RMI1: variants seen among roughly 807,000 people sequenced by gnomAD.
The protein encoded by RMI1 is RecQ mediated genome instability 1, also known as recQ-mediated genome instability protein 1.
RMI1 carries 36 observed loss-of-function variants against 46.7 expected under a neutral mutation model. The ratio of observed to expected loss-of-function variants is 0.77; its 90% CI spans 0.59 to 1.02. RMI1 has a LOEUF of 1.02. RMI1 is among the 50% of genes least tolerant of loss of function. RMI1 has a pLI of 0.00. For missense variants in RMI1, 676 were observed against 713.7 expected, an observed-to-expected ratio of 0.95 and a Z score of 0.60; for synonymous variants, 250 against 252.9, an observed-to-expected ratio of 0.99 and a Z score of 0.11.
chr9:83,997,221 C>T (rs374761926), intron 1 of RMI1, among the ~76,000 whole-genome samples: 3 of 150,346 alleles, frequency 2.0e-5, no homozygotes, highest in African/African-American at 7.3e-5. Flanking sequence ...AGGCAATTCT[C>T]CTGCCTCAGC....
At chr9:83,996,482 T>A (rs1957655626) in intron 1 of RMI1, among the ~76,000 whole-genome samples, 1 of 152,342 alleles carries the variant, frequency 6.6e-6, no homozygotes, top group African/African-American at 2.4e-5. Flanking sequence ...TTAACCACTC[T>A]TAAGTTTGCC....
At chr9:83,993,837 G>A (rs554353010) in intron 1 of RMI1, among the ~76,000 whole-genome samples, 6 of 151,864 alleles carry the variant, frequency 4.0e-5, no homozygotes, top group Admixed American at 3.3e-4. Flanking sequence ...GCCCAGACTG[G>A]AGTGCAGTCG....
At chr9:83,996,090 G>A (rs953866279) in intron 1 of RMI1, among the ~76,000 whole-genome samples, 3 of 152,164 alleles carry the variant, frequency 2.0e-5, no homozygotes, top group Admixed American at 6.5e-5. Flanking sequence ...GCAGGCTCAC[G>A]TTGGATTGTT....
At chr9:83,997,042 C>A (rs964981465) in intron 1 of RMI1, among the ~76,000 whole-genome samples, 1 of 150,558 alleles carries the variant, frequency 6.6e-6, no homozygotes, top group African/African-American at 2.4e-5. Flanking sequence ...GTGGATTCCC[C>A]CCCCCTTTTT....
chr9:83,985,730 C>G (rs111636949), intron 1 of RMI1, among the ~76,000 whole-genome samples: 2 of 152,166 alleles, frequency 1.3e-5, no homozygotes. Flanking sequence ...CACATACGGC[C>G]GGGCGCGGTG....
intron 1 of RMI1, among the ~76,000 whole-genome samples, chr9:83,988,603 C>T (rs1298923094): frequency 1.3e-5 from 2 of 152,186 alleles, no homozygotes; most frequent in Non-Finnish European, 2.9e-5. Flanking sequence ...TGCACCTTGC[C>T]CAACTGTTTT....
intron 1 of RMI1, among the ~76,000 whole-genome samples, chr9:83,997,853 G>A (rs955994135): frequency 6.6e-6 from 1 of 151,366 alleles, no homozygotes; most frequent in Non-Finnish European, 1.5e-5. Flanking sequence ...GTGGAGTACA[G>A]TGGTGCAGTC....
In RMI1 at chr9:83,995,424, CT is replaced by C. The variant is rs5898840; in HGVS notation, c.-125-4269del. 6.5e-3 allele frequency among the ~76,000 whole-genome samples: 915 copies of C among 139,790 alleles called. 6 individuals carry two copies. The highest frequency in any genetic ancestry group is 0.024 in the East Asian group (115 of 4,786). The allele number at this position is 139,790 out of a possible 152,430, so 91.7% of individuals were successfully genotyped here. ...TTCTTTTTTCCTCATTGTGTAATAT[CT>C]TTTTTTTTTTTTTTTAATTGAGACA... On this transcript the variant is annotated intron_variant, in intron 1 of 2. Coordinates refer to ENST00000445877, the MANE Select transcript of RMI1 (RefSeq NM_001358291.2).
chr9:84,002,811 C>T lies in RMI1; in HGVS notation c.1825C>T (p.Gln609Ter), dbSNP rs1957759290. The stretch of plus-strand genomic sequence containing the variant: ...GTCTAAAGCAATGGTACTGGCATTA[C>T]AAGATGTTAATATGGAACACCTTGA... ...SLSKAMVLAL[Q>*]DVNMEHLENL... Residue 609 changes from glutamine to a stop codon, truncating the protein, a stop_gained, in exon 3 of 3, where the codon CAA becomes TAA. Coordinates refer to ENST00000445877, the MANE Select transcript of RMI1 (RefSeq NM_001358291.2). LOFTEE classifies it high-confidence loss of function. 2 of 1,600,106 alleles carry T rather than the reference C, an allele frequency of 1.2e-6. No homozygotes were observed. The highest frequency in any genetic ancestry group is 1.7e-6 in the Non-Finnish European group (2 of 1,169,138).
Position 84,002,438 on chromosome 9 carries a change from GGATTT to G in RMI1, c.1454_1458del (p.Asp485ValfsTer50). The G allele has an allele frequency of 6.2e-7, 1 of 1,613,800 alleles. No homozygotes were observed. Among genetic ancestry groups the G allele is most frequent in the South Asian group, 1.1e-5 (1 of 91,076 alleles). ...ATAGCATTAATCTTTCTATTGCCAT[GGATTT>G]GTATTCTCCACCCTTTGTCTATTTG... is the stretch of plus-strand genomic sequence containing the variant. On this transcript the variant is annotated frameshift_variant, in exon 3 of 3. Transcript: ENST00000445877. LOFTEE classifies it high-confidence loss of function.
rs1257783791 is a variant in RMI1, at chr9:84,001,223, A to C, written c.237A>C (p.Gly79=). 1 of 1,614,044 alleles carries C rather than the reference A, an allele frequency of 6.2e-7. No homozygotes were observed. The highest frequency in any genetic ancestry group is 1.3e-5 in the African/African-American group (1 of 74,936). Residue 79 remains glycine, a synonymous_variant, in exon 3 of 3, where the codon GGA becomes GGC. Transcript: ENST00000445877. ...LPDGILEIPK[G]ELNGFYALQI... ...ATGGCATTTTAGAAATTCCAAAAGG[A>C]GAATTAAATGGATTTTATGCTCTGC... is the stretch of plus-strand genomic sequence containing the variant.
At position 84,001,729 on chromosome 9, in the gene RMI1, TG is replaced by T. The variant is rs1228604287; in HGVS notation, c.745del (p.Ala249GlnfsTer58). ...TTAGGTCCTTCTGATGAAGAACTCT[TG>T]GCAAGTCTTGATGAAAATGATGAGC... Reference protein sequence around the residue: ...PALGPSDEELLASLDENDELT... With the variant: ...PALGPSDEELXASLDENDELT... On this transcript the variant is annotated frameshift_variant, in exon 3 of 3. Transcript: ENST00000445877. LOFTEE classifies it high-confidence loss of function. 1 of 1,613,928 alleles carries T rather than the reference TG, an allele frequency of 6.2e-7. No homozygotes were observed. Among genetic ancestry groups the T allele is most frequent in the Non-Finnish European group, 8.5e-7 (1 of 1,179,978 alleles).
intron 1 of RMI1, among the ~76,000 whole-genome samples, chr9:83,992,440 G>C (rs1458010253): frequency 1.3e-5 from 2 of 151,502 alleles, no homozygotes; most frequent in African/African-American, 2.4e-5. Context: ...CTGTGCCAGG[G>C]ATCCATTTTA....
At chr9:83,986,024 A>G (rs1428531103) in intron 1 of RMI1, among the ~76,000 whole-genome samples, 1 of 152,132 alleles carries the variant, frequency 6.6e-6, no homozygotes, top group Non-Finnish European at 1.5e-5. Flanking sequence ...CACCAAAACA[A>G]TAGCATATAC....
intron 1 of RMI1, among the ~76,000 whole-genome samples, chr9:83,984,171 GA>G (rs1465260776): frequency 6.6e-6 from 1 of 151,712 alleles, no homozygotes; most frequent in Non-Finnish European, 1.5e-5. Context: ...CAGTACCGGG[GA>G]TATTATCTCC....
At chr9:83,986,376 A>C (rs1327741707) in intron 1 of RMI1, among the ~76,000 whole-genome samples, 1 of 152,216 alleles carries the variant, frequency 6.6e-6, no homozygotes, top group African/African-American at 2.4e-5. Context: ...GGCCGTTTAT[A>C]TGTGGATTTT....
rs529777720 is a variant in RMI1 at position 84,003,916 on chromosome 9, AT to A, written c.*1061del. On this transcript the variant is annotated 3_prime_UTR_variant, in exon 3 of 3. Coordinates refer to ENST00000445877, the MANE Select transcript of RMI1 (RefSeq NM_001358291.2). ...AGCCTTCCTTTGGTTTTAAGTACTG[AT>A]TTTTTTTTAAAAAAAAGAGGGACTG... 4 of 165,794 alleles carry A rather than the reference AT, an allele frequency of 2.4e-5. No individual in the cohort carries two copies. Among genetic ancestry groups the A allele is most frequent in the African/African-American group, 4.8e-5 (2 of 41,274 alleles). The allele number at this position is 165,794 out of a possible 1,614,324, so 10.3% of individuals were successfully genotyped here.
chr9:83,988,267 G>C (rs1957521438), intron 1 of RMI1, among the ~76,000 whole-genome samples: 1 of 152,266 alleles, frequency 6.6e-6, no homozygotes, highest in South Asian at 2.1e-4. Context: ...TGTATGGTAA[G>C]TATATGTTTT....
intron 1 of RMI1, among the ~76,000 whole-genome samples, chr9:83,993,354 T>A (rs757733384): frequency 4.6e-5 from 7 of 152,248 alleles, no homozygotes; most frequent in Non-Finnish European, 7.3e-5. Flanking sequence ...TACTGAACAT[T>A]CCATGGTATG....
Sources: gnomAD v4.1 joint callset for allele counts (sites outside exome capture counted in the v4.1 genomes callset) on GRCh38, gnomAD v4.1.1 for gene constraint, MANE v1.5 for transcripts, NCBI Gene and HGNC (gene_info 2026-07-23, HGNC 2026-07-21) for gene names.